Variants in VWDE observed in about 807,000 individuals in gnomAD.
VWDE encodes the protein von Willebrand factor D and EGF domains.
Under a neutral mutation model 178.4 loss-of-function variants are expected in VWDE, and 207 were observed. The observed-to-expected ratio is 1.16, with a 90% CI of 1.04 to 1.30. VWDE has a LOEUF of 1.30. Among genes scored for constraint, VWDE ranks in the 50% most tolerant of loss-of-function variants. VWDE has a pLI of 0.00. For synonymous variants in VWDE, 738 were observed against 651.4 expected, an observed-to-expected ratio of 1.13 and a Z score of -2.02; for missense variants, 2,287 against 1,901.3, an observed-to-expected ratio of 1.20 and a Z score of -3.77.
chr7:12,331,032 C>G lies in VWDE; in HGVS notation c.*151G>C. The G allele has an allele frequency of 1.7e-6, 1 of 592,436 alleles. No homozygotes were observed. The highest frequency in any genetic ancestry group is 3.0e-5 in the East Asian group (1 of 33,054). 36.7% of individuals were successfully genotyped at this position (592,436 alleles called of 1,614,324 possible). The stretch of plus-strand genomic sequence containing the variant: ...TCTTTGCTTTTCTCTATGATTACAA[C>G]AGAGATCATTATGTATTTTATTAGT... On this transcript the variant is annotated 3_prime_UTR_variant, in exon 29 of 29. Coordinates refer to ENST00000275358, the MANE Select transcript of VWDE (RefSeq NM_001135924.3).
chr7:12,364,128 A>T (rs1782729741), intron 13 of VWDE, among the ~76,000 whole-genome samples: 1 of 152,106 alleles, frequency 6.6e-6, no homozygotes, highest in Admixed American at 6.6e-5. Context: ...GGCTAGAATG[A>T]ACCTTATGGC....
chr7:12,377,797 T>C lies in VWDE; in HGVS notation c.1003A>G (p.Lys335Glu), dbSNP rs1402998358. ...TTACCTTGACCAATAGTTTTCAGTT[T>C]TAATGAGATTTTGCATTCTTGATCA... Reference protein sequence around the residue: ...ELDQECKISLKLKTIGQGREH... With the variant: ...ELDQECKISLELKTIGQGREH... The change falls in exon 7 of 29, where the codon AAA becomes GAA. Residue 335 changes from lysine (K) to glutamate (E), a missense_variant. Transcript: ENST00000275358. 5 of 1,505,572 alleles carry C rather than the reference T, an allele frequency of 3.3e-6. No individual in the cohort carries two copies. The East Asian group carries it at 1.2e-4, about 37-fold the overall frequency. The allele number at this position is 1,505,572 out of a possible 1,614,324, so 93.3% of individuals were successfully genotyped here.
At position 12,343,130 on chromosome 7, in the gene VWDE, T is replaced by G. The variant is rs761999599; in HGVS notation, c.4127A>C (p.Asn1376Thr). The change falls in exon 22 of 29, where the codon AAT (asparagine) becomes ACT (threonine). Residue 1376 changes from asparagine (N) to threonine (T), a missense_variant. Asn to Thr is a moderately conservative substitution (Grantham distance 65). Transcript: ENST00000275358. The part of the protein sequence containing the change: ...CQHGGTCLAG[N>T]LCTCPYGFVG... Reference sequence around the variant, plus strand: ...AAAACCATAAGGACAAGTGCAGAGATTCCCAGCCAAGCATGTGCCACCATG... The same window carrying G: ...AAAACCATAAGGACAAGTGCAGAGAGTCCCAGCCAAGCATGTGCCACCATG... 1 of 1,549,822 alleles carries G rather than the reference T, an allele frequency of 6.5e-7. No individual in the cohort carries two copies. The highest frequency in any genetic ancestry group is 2.0e-5 in the Admixed American group (1 of 50,936).
chr7:12,395,747 T>G (rs1227443492), intron 1 of VWDE, among the ~76,000 whole-genome samples: 1 of 152,082 alleles, frequency 6.6e-6, no homozygotes, highest in Non-Finnish European at 1.5e-5. Flanking sequence ...TTTAGAAATC[T>G]TATTAGCAAT....
intron 15 of VWDE, among the ~76,000 whole-genome samples, chr7:12,360,449 C>G (rs946220361): frequency 2.0e-5 from 3 of 151,948 alleles, no homozygotes; most frequent in African/African-American, 7.2e-5. Flanking sequence ...AACAATCTCT[C>G]AAAACCAGAG....
At position 12,399,427 on chromosome 7, in the gene VWDE, T is replaced by C. The variant is rs111960253; in HGVS notation, c.58+4232A>G. Reference sequence around the variant, plus strand: ...CCTAATAACAGAGCACTGAAATATGTGAAGCAAAATGCAGCAGAAACGCAG... The same window carrying C: ...CCTAATAACAGAGCACTGAAATATGCGAAGCAAAATGCAGCAGAAACGCAG... On this transcript the variant is annotated intron_variant, in intron 1 of 28. Transcript: ENST00000275358. 5.3e-5 allele frequency among the ~76,000 whole-genome samples: 8 copies of C among 152,268 alleles called. 1 individual carries two copies. The highest frequency in any genetic ancestry group is 1.9e-4 in the African/African-American group (8 of 41,562).
rs538054629 is a variant in VWDE at position 12,342,089 on chromosome 7, G to T, written c.4240C>A (p.Pro1414Thr). 1.3e-6 allele frequency: 2 copies of T among 1,551,050 alleles called. No individual in the cohort carries two copies. The highest frequency in any genetic ancestry group is 2.4e-5 in the East Asian group (1 of 40,890). The part of the protein sequence containing the change: ...CLTPDICQCK[P>T]GWYGPTCSTA... ...CTACAGGTGGGTCCATACCAGCCAG[G>T]TTTGCACTGGCAAATATCTGGTGTA... is the stretch of plus-strand genomic sequence containing the variant. Residue 1414 changes from proline (P) to threonine (T), a missense_variant, in exon 23 of 29, where the codon CCT becomes ACT. Transcript: ENST00000275358.
chr7:12,339,710 T>C (rs896111837), intron 24 of VWDE, among the ~76,000 whole-genome samples: 3 of 152,108 alleles, frequency 2.0e-5, no homozygotes, highest in African/African-American at 7.2e-5. Context: ...AACTCGAAAA[T>C]ATGAAGATGT....
In VWDE at chr7:12,379,521, G is replaced by A. The variant is rs910834550; in HGVS notation, c.835C>T (p.Gln279Ter). ...TCTTGGCTTTCGATGGCTACACTTT[G>A]TACATGAGGATTCTCCAAGAAAAAG... The part of the protein sequence containing the change: ...SVFFLENPHV[Q>*]SVAIESQEFF... The change falls in exon 6 of 29, where the codon CAA (glutamine) becomes TAA (stop). Residue 279 changes from glutamine (Q) to a stop codon, truncating the protein, a stop_gained. Transcript: ENST00000275358. LOFTEE classifies it high-confidence loss of function. 1 of 1,550,454 alleles carries A rather than the reference G, an allele frequency of 6.4e-7. No individual in the cohort carries two copies. The highest frequency in any genetic ancestry group is 8.7e-7 in the Non-Finnish European group (1 of 1,146,370).
At chr7:12,357,572 C>T in intron 16 of VWDE, 57 bp from the exon 17 acceptor site, 2 of 1,517,062 alleles carry the variant, frequency 1.3e-6, no homozygotes, top group Non-Finnish European at 1.8e-6. Flanking sequence ...ATGAAGTGTA[C>T]TTCTGAGAGC....
chr7:12,343,920 C>T (rs930620785), intron 21 of VWDE, among the ~76,000 whole-genome samples: 5 of 151,918 alleles, frequency 3.3e-5, no homozygotes, highest in African/African-American at 1.2e-4. Context: ...ATATATAGTA[C>T]CTTATAACTA....
intron 9 of VWDE, among the ~76,000 whole-genome samples, 176 bp from the exon 10 acceptor site, chr7:12,373,423 C>G (rs2128556450): frequency 6.6e-6 from 1 of 152,234 alleles, no homozygotes; most frequent in Non-Finnish European, 1.5e-5. Context: ...TTTCACCACT[C>G]CAGTCAAGCT....
At chr7:12,331,589 A>G (rs1780725596) in intron 28 of VWDE, among the ~76,000 whole-genome samples, 2 of 152,118 alleles carry the variant, frequency 1.3e-5, no homozygotes, top group Admixed American at 6.6e-5. Flanking sequence ...CCTCTATTGG[A>G]TGTAATTAGT....
intron 12 of VWDE, 30 bp downstream of exon 12, chr7:12,369,515 C>T (rs1783037336): frequency 6.7e-7 from 1 of 1,482,318 alleles, no homozygotes; most frequent in Non-Finnish European, 9.0e-7. Flanking sequence ...ATATCACATG[C>T]AATATCAAAC....
chr7:12,373,113 T>A lies in VWDE; in HGVS notation c.1451A>T (p.Gln484Leu). Residue 484 changes from glutamine to leucine, a missense_variant, in exon 10 of 29, where the codon CAG (glutamine) becomes CTG (leucine). Physicochemically the swap from Gln to Leu is moderately radical, Grantham distance 113. Transcript: ENST00000275358. ...PVSCNCGFVAQEGGDIVTFDM... is the reference protein window; with the variant it reads ...PVSCNCGFVALEGGDIVTFDM... ...AAAAGTAACTATATCACCTCCTTCC[T>A]GGGCAACAAACCCACAATTACATGA... 4 of 1,551,382 alleles carry A rather than the reference T, an allele frequency of 2.6e-6. No individual in the cohort carries two copies. Among genetic ancestry groups the A allele is most frequent in the Non-Finnish European group, 3.5e-6 (4 of 1,146,800 alleles).
intron 25 of VWDE, 29 bp downstream of exon 25, chr7:12,337,147 AG>A: frequency 6.4e-7 from 1 of 1,551,236 alleles, no homozygotes; most frequent in Non-Finnish European, 8.7e-7. Context: ...CTTTAGCTGT[AG>A]TTGACAAATA....
rs1343289499 is a variant in VWDE, at chr7:12,370,268, C to G, written c.2038G>C (p.Glu680Gln). Reference protein sequence around the residue: ...EYINSDTLVREINKHTSPEEY... With the variant: ...EYINSDTLVRQINKHTSPEEY... ...TCTGGAGATGTATGCTTGTTTATCT[C>G]TCTGACAAGAGTGTCTGAATTAATA... The change falls in exon 12 of 29, where the codon GAG (glutamate) becomes CAG (glutamine). Residue 680 changes from glutamate (E) to glutamine (Q), a missense_variant. Glu to Gln is a conservative substitution (Grantham distance 29, BLOSUM62 2). Coordinates refer to ENST00000275358, the MANE Select transcript of VWDE (RefSeq NM_001135924.3). The G allele has an allele frequency of 9.7e-6, 15 of 1,550,960 alleles. No homozygotes were observed. The highest frequency in any genetic ancestry group is 2.4e-5 in the East Asian group (1 of 40,914).
chr7:12,349,358 T>C (rs1202030586), intron 19 of VWDE, among the ~76,000 whole-genome samples: 2 of 151,298 alleles, frequency 1.3e-5, no homozygotes, highest in African/African-American at 4.8e-5. Flanking sequence ...CTCTTCTTCA[T>C]ATAATAAAAT....
At chr7:12,386,057 T>A (rs1033734867) in intron 3 of VWDE, among the ~76,000 whole-genome samples, 5 of 152,170 alleles carry the variant, frequency 3.3e-5, no homozygotes, top group African/African-American at 9.6e-5. Flanking sequence ...TATTCCCTGG[T>A]GTGAAAGTTT....
Sources: allele counts gnomAD v4.1 joint callset (sites outside exome capture counted in the v4.1 genomes callset), GRCh38; gene constraint gnomAD v4.1.1; transcripts MANE v1.5; gene names NCBI Gene and HGNC (gene_info 2026-07-23, HGNC 2026-07-21).